CCSER1: variants seen among roughly 807,000 people sequenced by gnomAD.
CCSER1 encodes the protein serine-rich coiled-coil domain-containing protein 1.
A neutral mutation model predicts 82.0 loss-of-function variants in CCSER1; 41 were observed. That is an observed-to-expected ratio of 0.50 (90% confidence interval 0.39 to 0.65). CCSER1 has a LOEUF of 0.65. Among genes scored for constraint, CCSER1 ranks in the 30% least tolerant of loss-of-function variants. The pLI is 0.00. For missense variants in CCSER1, 1,119 were observed against 1,064.2 expected, an observed-to-expected ratio of 1.05 and a Z score of -0.72; for synonymous variants, 414 against 383.9, an observed-to-expected ratio of 1.08 and a Z score of -0.92.
intron 5 of CCSER1, among the ~76,000 whole-genome samples, chr4:90,621,456 A>G (rs1399465228): frequency 6.7e-6 from 1 of 149,918 alleles, no homozygotes; most frequent in Non-Finnish European, 1.5e-5. Context: ...TTGGTTTCCA[A>G]GTTTCTGGGT....
At chr4:91,031,644 G>T (rs1372855105) in intron 9 of CCSER1, among the ~76,000 whole-genome samples, 1 of 151,930 alleles carries the variant, frequency 6.6e-6, no homozygotes, top group African/African-American at 2.4e-5. Flanking sequence ...AGTCTTTTAG[G>T]CCACTTCTCT....
intron 6 of CCSER1, among the ~76,000 whole-genome samples, chr4:90,691,326 T>C (rs995537509): frequency 1.9e-4 from 29 of 152,016 alleles, no homozygotes; most frequent in African/African-American, 7.0e-4. Flanking sequence ...TTGATTATTT[T>C]ATTCCTAAAG....
intron 1 of CCSER1, among the ~76,000 whole-genome samples, chr4:90,214,084 A>G (rs1740557321): frequency 6.6e-6 from 1 of 152,212 alleles, no homozygotes; most frequent in South Asian, 2.1e-4. Context: ...AAAATTAACC[A>G]TGTAATGGAG....
chr4:91,247,826 C>A (rs1242035472), intron 10 of CCSER1, among the ~76,000 whole-genome samples: 1 of 152,148 alleles, frequency 6.6e-6, no homozygotes, highest in African/African-American at 2.4e-5. Flanking sequence ...TGAGATCACA[C>A]AACTGTGCTC....
At chr4:90,508,008 T>A (rs367762501) in intron 5 of CCSER1, among the ~76,000 whole-genome samples, 35 of 152,160 alleles carry the variant, frequency 2.3e-4, no homozygotes, top group East Asian at 1.5e-3. Context: ...TAACCGATAA[T>A]GTAGTGTGCT....
intron 9 of CCSER1, among the ~76,000 whole-genome samples, chr4:90,965,657 A>T (rs1259940854): frequency 1.3e-5 from 2 of 152,124 alleles, no homozygotes; most frequent in Non-Finnish European, 2.9e-5. Context: ...AAAAGATGAC[A>T]CCAAAATCAA....
rs1379348053 is a variant in CCSER1 at position 90,954,862 on chromosome 4, A to G, written c.2172+31415A>G. Among the ~76,000 whole-genome samples, 5 of 152,106 alleles carry G rather than the reference A, an allele frequency of 3.3e-5. 1 individual carries two copies. The highest frequency in any genetic ancestry group is 7.4e-5 in the Non-Finnish European group (5 of 68,018). On this transcript the variant is annotated intron_variant, in intron 9 of 10. Coordinates refer to ENST00000509176, the MANE Select transcript of CCSER1 (RefSeq NM_001145065.2). ...CAACTTCTCTAACTTCTCTCTTCATACATACCCACTTAGCTATTGCCACAC... is the reference window on the plus strand; with the variant it reads ...CAACTTCTCTAACTTCTCTCTTCATGCATACCCACTTAGCTATTGCCACAC...
chr4:90,377,602 A>G (rs992991932), intron 3 of CCSER1, among the ~76,000 whole-genome samples: 1 of 152,174 alleles, frequency 6.6e-6, no homozygotes, highest in African/African-American at 2.4e-5. Context: ...ATAGTATCTA[A>G]GAGATTCAAT....
At chr4:90,970,769 C>A (rs905562707) in intron 9 of CCSER1, among the ~76,000 whole-genome samples, 1 of 151,538 alleles carries the variant, frequency 6.6e-6, no homozygotes, top group Non-Finnish European at 1.5e-5. Flanking sequence ...AACTAGAAAT[C>A]AATAAGAGGA....
intron 10 of CCSER1, among the ~76,000 whole-genome samples, chr4:91,373,163 G>A (rs561204222): frequency 1.5e-4 from 22 of 151,106 alleles, no homozygotes; most frequent in African/African-American, 4.9e-4. Context: ...TTGCAAATAG[G>A]AAACTATATA....
intron 9 of CCSER1, among the ~76,000 whole-genome samples, chr4:91,000,764 G>T (rs888854415): frequency 2.0e-5 from 3 of 152,114 alleles, no homozygotes; most frequent in African/African-American, 7.2e-5. Context: ...ACTGATTTGA[G>T]TACATTGATT....
At chr4:90,860,414 T>C (rs1389980068) in intron 8 of CCSER1, among the ~76,000 whole-genome samples, 1 of 151,590 alleles carries the variant, frequency 6.6e-6, no homozygotes, top group Non-Finnish European at 1.5e-5. Context: ...GGGATGAAAA[T>C]GATGTGACTC....
chr4:90,672,542 G>C (rs150387746), intron 6 of CCSER1, among the ~76,000 whole-genome samples: 331 of 152,094 alleles, frequency 2.2e-3, no homozygotes, highest in African/African-American at 7.5e-3. Context: ...TTCTGCACCA[G>C]CAATAAGGCT....
chr4:90,479,705 C>A (rs1765635980), intron 5 of CCSER1, among the ~76,000 whole-genome samples: 1 of 152,180 alleles, frequency 6.6e-6, no homozygotes, highest in Non-Finnish European at 1.5e-5. Flanking sequence ...AGGACATGAA[C>A]TCATCCTTTT....
At chr4:90,149,129 A>G (rs935956746) in intron 1 of CCSER1, among the ~76,000 whole-genome samples, 7 of 152,186 alleles carry the variant, frequency 4.6e-5, no homozygotes, top group African/African-American at 1.4e-4. Context: ...AGAATTTTAC[A>G]TATAGTAATG....
Position 91,549,899 on chromosome 4 carries a change from T to G in CCSER1, c.2218-48673T>G, listed in dbSNP as rs181991099. Among the ~76,000 whole-genome samples, 471 of 151,688 alleles carry G rather than the reference T, an allele frequency of 3.1e-3. 2 individuals are homozygous for G. The highest frequency in any genetic ancestry group is 4.6e-3 in the Non-Finnish European group (314 of 67,914). Reference sequence around the variant, plus strand: ...TCTACACTGTGAACTTCACTGCCGCTTCTCAGTTTTGTTTTGTCATTGCTG... The same window carrying G: ...TCTACACTGTGAACTTCACTGCCGCGTCTCAGTTTTGTTTTGTCATTGCTG... On this transcript the variant is annotated intron_variant, in intron 10 of 10. Transcript: ENST00000509176.
intron 8 of CCSER1, among the ~76,000 whole-genome samples, chr4:90,859,712 ATAAAG>A (rs1184220935): frequency 6.6e-6 from 1 of 151,776 alleles, no homozygotes; most frequent in East Asian, 1.9e-4. Flanking sequence ...ACATTAATAA[ATAAAG>A]TTAAGTGTAC....
At chr4:91,287,972 C>G (rs1297320323) in intron 10 of CCSER1, among the ~76,000 whole-genome samples, 1 of 120,298 alleles carries the variant, frequency 8.3e-6, no homozygotes, top group African/African-American at 3.0e-5. Context: ...AAGTTATGCT[C>G]TGTTCTGGTA....
intron 8 of CCSER1, among the ~76,000 whole-genome samples, chr4:90,915,599 T>C (rs1354086108): frequency 1.3e-5 from 2 of 152,092 alleles, no homozygotes; most frequent in South Asian, 4.1e-4. Flanking sequence ...CTTTGAAAAC[T>C]GGCACAAGAC....
Sources: gnomAD v4.1 joint callset for allele counts (sites outside exome capture counted in the v4.1 genomes callset) on GRCh38, gnomAD v4.1.1 for gene constraint, MANE v1.5 for transcripts, NCBI Gene and HGNC (gene_info 2026-07-23, HGNC 2026-07-21) for gene names.